KCNIP4: variants seen among roughly 807,000 people sequenced by gnomAD.
The protein encoded by KCNIP4 is Kv channel-interacting protein 4.
KCNIP4 carries 12 observed loss-of-function variants against 34.0 expected under a neutral mutation model. That is an observed-to-expected ratio of 0.35 (90% CI 0.23 to 0.57). KCNIP4 has a LOEUF of 0.57. Ranked by LOEUF, KCNIP4 falls within the 20% of genes least tolerant of loss-of-function variation. KCNIP4 has a pLI of 0.83. For synonymous variants in KCNIP4, 124 were observed against 102.2 expected, an observed-to-expected ratio of 1.21 and a Z score of -1.29; for missense variants, 238 against 311.7, an observed-to-expected ratio of 0.76 and a Z score of 1.78.
intron 1 of KCNIP4, among the ~76,000 whole-genome samples, chr4:21,905,435 AG>A (rs1020566755): frequency 3.9e-5 from 6 of 152,064 alleles, no homozygotes; most frequent in African/African-American, 1.2e-4. Context: ...TTTAAGTTTT[AG>A]GGTACATGTG....
chr4:20,803,276 C>T (rs1002040053), intron 3 of KCNIP4, among the ~76,000 whole-genome samples: 1 of 150,940 alleles, frequency 6.6e-6, no homozygotes, highest in African/African-American at 2.4e-5. Context: ...GCTACACCAA[C>T]GATTAGCAGA....
Position 20,728,853 on chromosome 4 carries a change from T to G in KCNIP4, c.*1229A>C, listed in dbSNP as rs1380253833. The G allele has an allele frequency of 3.3e-5, 5 of 152,560 alleles. No individual in the cohort carries two copies. Among genetic ancestry groups the G allele is most frequent in the African/African-American group, 1.2e-4 (5 of 41,462 alleles). 9.5% of individuals were successfully genotyped at this position (152,560 alleles called of 1,614,324 possible). Reference sequence around the variant, plus strand: ...CTGTAGCCTCTTGGTCTTTGTGATATTTCTACAAAACAGGGACGATGTGTG... The same window carrying G: ...CTGTAGCCTCTTGGTCTTTGTGATAGTTCTACAAAACAGGGACGATGTGTG... On this transcript the variant is annotated 3_prime_UTR_variant, in exon 9 of 9. Coordinates refer to ENST00000382152, the MANE Select transcript of KCNIP4 (RefSeq NM_025221.6).
At chr4:20,809,611 T>C (rs1715479906) in intron 3 of KCNIP4, among the ~76,000 whole-genome samples, 1 of 152,210 alleles carries the variant, frequency 6.6e-6, no homozygotes, top group Admixed American at 6.5e-5. Flanking sequence ...TTTCTGGCCA[T>C]CAACTGCGTT....
At chr4:21,699,757 C>A (rs183592546) in intron 1 of KCNIP4, among the ~76,000 whole-genome samples, 1 of 152,132 alleles carries the variant, frequency 6.6e-6, no homozygotes, top group East Asian at 1.9e-4. Context: ...TATGTGAAGC[C>A]TTATAGCTGG....
chr4:21,009,769 G>A (rs1225642684), intron 1 of KCNIP4, among the ~76,000 whole-genome samples: 1 of 152,176 alleles, frequency 6.6e-6, no homozygotes, highest in Non-Finnish European at 1.5e-5. Flanking sequence ...GGAATGGGCT[G>A]CCGCCTCTGA....
intron 1 of KCNIP4, among the ~76,000 whole-genome samples, chr4:21,643,867 TGATGATAGATAGATAGATA>T (rs1364832660): frequency 0.021 from 2,720 of 128,566 alleles, 87 homozygotes; most frequent in African/African-American, 0.072. Flanking sequence ...GTGATGATGA[TGATGATAGATAGATAGATA>T]GATAGATAGA....
intron 1 of KCNIP4, among the ~76,000 whole-genome samples, chr4:21,706,333 C>T (rs1281147640): frequency 1.3e-5 from 2 of 152,200 alleles, no homozygotes; most frequent in East Asian, 3.9e-4. Context: ...AAATTCCTAA[C>T]AGTAAAGTTA....
chr4:20,758,013 A>G (rs1258793106), intron 4 of KCNIP4, among the ~76,000 whole-genome samples: 3 of 152,158 alleles, frequency 2.0e-5, no homozygotes, highest in Non-Finnish European at 2.9e-5. Context: ...CATCTGCTAC[A>G]CTAGGTATAA....
intron 1 of KCNIP4, among the ~76,000 whole-genome samples, chr4:21,115,317 A>T (rs939420972): frequency 6.6e-6 from 1 of 152,208 alleles, no homozygotes; most frequent in Non-Finnish European, 1.5e-5. Context: ...TATTTCACCT[A>T]AAGTAAACCA....
intron 1 of KCNIP4, among the ~76,000 whole-genome samples, chr4:21,194,662 G>A (rs1196011468): frequency 2.0e-5 from 3 of 152,116 alleles, no homozygotes; most frequent in Non-Finnish European, 2.9e-5. Flanking sequence ...TAGCTCATGA[G>A]ACCATCCCAC....
chr4:21,762,732 C>G (rs558854383), intron 1 of KCNIP4, among the ~76,000 whole-genome samples: 1 of 152,106 alleles, frequency 6.6e-6, no homozygotes, highest in African/African-American at 2.4e-5. Context: ...ACTTTACCAG[C>G]GTCATTAGTG....
At chr4:21,612,969 G>A (rs906056783) in intron 1 of KCNIP4, among the ~76,000 whole-genome samples, 1 of 152,190 alleles carries the variant, frequency 6.6e-6, no homozygotes, top group African/African-American at 2.4e-5. Context: ...GGCAAAGAAT[G>A]CATAAGTAGG....
intron 1 of KCNIP4, among the ~76,000 whole-genome samples, chr4:21,363,364 G>C (rs1252671806): frequency 2.0e-5 from 3 of 152,046 alleles, no homozygotes; most frequent in Non-Finnish European, 4.4e-5. Flanking sequence ...ATATAGATAA[G>C]AGATACACTC....
intron 1 of KCNIP4, among the ~76,000 whole-genome samples, chr4:21,531,332 C>A (rs1371970585): frequency 1.0e-5 from 1 of 99,766 alleles, no homozygotes. Context: ...TTCCTCCCTC[C>A]CTCCCTTCCC....
intron 1 of KCNIP4, among the ~76,000 whole-genome samples, chr4:21,816,470 G>A (rs1721995327): frequency 6.6e-6 from 1 of 152,060 alleles, no homozygotes; most frequent in African/African-American, 2.4e-5. Flanking sequence ...AGATGACTCA[G>A]GACCACCAGG....
chr4:21,879,908 G>A (rs1233573346), intron 1 of KCNIP4, among the ~76,000 whole-genome samples: 1 of 151,936 alleles, frequency 6.6e-6, no homozygotes, highest in African/African-American at 2.4e-5. Context: ...GGTTTTATAA[G>A]GGGCTTTTTT....
At chr4:20,837,680 A>AT (rs202064397) in intron 3 of KCNIP4, among the ~76,000 whole-genome samples, 7,858 of 89,442 alleles carry the variant, frequency 0.088, 251 homozygotes, top group Non-Finnish European at 0.1. Context: ...ATATATATAT[A>AT]TATATATTTT....
intron 1 of KCNIP4, among the ~76,000 whole-genome samples, chr4:21,046,361 T>C (rs1478552998): frequency 6.6e-6 from 1 of 152,236 alleles, no homozygotes; most frequent in Non-Finnish European, 1.5e-5. Context: ...AGTATTTTGC[T>C]GAAATGTATT....
intron 1 of KCNIP4, among the ~76,000 whole-genome samples, chr4:21,290,680 A>T (rs1418682191): frequency 3.3e-5 from 5 of 152,230 alleles, no homozygotes; most frequent in Non-Finnish European, 7.3e-5. Context: ...GAGCTGAGTG[A>T]ACTTGGGCCA....
Sources: gnomAD v4.1 joint callset for allele counts (sites outside exome capture counted in the v4.1 genomes callset) on GRCh38, gnomAD v4.1.1 for gene constraint, MANE v1.5 for transcripts, NCBI Gene and HGNC (gene_info 2026-07-23, HGNC 2026-07-21) for gene names.